Variants in SF3A1 observed in about 807,000 individuals in gnomAD.
SF3A1 encodes the protein SAP 114.
In SF3A1, 13 loss-of-function variants were observed where a neutral mutation model predicts 89.9. The ratio of observed to expected loss-of-function variants is 0.14; its 90% confidence interval spans 0.09 to 0.23. SF3A1 has a LOEUF of 0.23. Ranked by LOEUF, SF3A1 falls within the 10% of genes least tolerant of loss-of-function variation. The probability of loss-of-function intolerance (pLI) is 1.00; values close to 1 mark genes in which losing one functional copy is unlikely to be tolerated. For missense variants in SF3A1, 604 were observed against 1,022.1 expected, an observed-to-expected ratio of 0.59 and a Z score of 5.58; for synonymous variants, 405 against 374.4, an observed-to-expected ratio of 1.08 and a Z score of -0.94.
chr22:30,344,745 T>C (rs56059256), intron 4 of SF3A1, among the ~76,000 whole-genome samples, 188 bp downstream of exon 4: 10,649 of 152,324 alleles, frequency 0.07, 458 homozygotes, highest in Non-Finnish European at 0.092. Flanking sequence ...ACCGGCAGTC[T>C]GTGTTGCACT....
chr22:30,337,811 T>C lies in SF3A1; in HGVS notation c.1830A>G (p.Pro610=). ...PPMASVVRLP[P]GSVIAPMPPI... is the part of the protein sequence containing the mutation. ...GCGGCATGGGGGCGATCACTGAGCC[T>C]GGGGGCAGCCGGACCACAGATGCCA... The change falls in exon 12 of 16, where the codon CCA becomes CCG. Residue 610 remains proline, a synonymous_variant. Coordinates refer to ENST00000215793, the MANE Select transcript of SF3A1 (RefSeq NM_005877.6). 1.2e-6 allele frequency: 2 copies of C among 1,604,192 alleles called. No homozygotes were observed. The highest frequency in any genetic ancestry group is 1.7e-6 in the Non-Finnish European group (2 of 1,175,894).
chr22:30,341,559 TGTATGGC>T, intron 7 of SF3A1, 126 bp downstream of exon 7: 1 of 454,810 alleles, frequency 2.2e-6, no homozygotes, highest in Non-Finnish European at 4.1e-6. Context: ...CTTGGGCAGC[TGTATGGC>T]CTTGTTCAGG....
intron 11 of SF3A1, among the ~76,000 whole-genome samples, chr22:30,338,201 G>A (rs1164253156): frequency 6.6e-6 from 1 of 152,188 alleles, no homozygotes; most frequent in Non-Finnish European, 1.5e-5. Flanking sequence ...GCTCATGCCT[G>A]TAATCTCAGC....
intron 4 of SF3A1, among the ~76,000 whole-genome samples, chr22:30,343,513 A>G (rs7289270): frequency 6.6e-6 from 1 of 152,234 alleles, no homozygotes; most frequent in Non-Finnish European, 1.5e-5. Context: ...TTCTACTGCC[A>G]CTGGCAAAGT....
At position 30,355,543 on chromosome 22, in the gene SF3A1, T is replaced by C. The variant is rs1931766484; in HGVS notation, c.63+1187A>G. Among the ~76,000 whole-genome samples the C allele has an allele frequency of 2.0e-5, 3 of 152,282 alleles. No homozygotes were observed. The South Asian group carries it at 6.2e-4, about 32-fold the overall frequency. ...TGAATTTCTGAAACACAAATGTCAC[T>C]ATTTGGCTTAAAACACTCCCTTTTC... On this transcript the variant is annotated intron_variant, in intron 1 of 15. Coordinates refer to ENST00000215793, the MANE Select transcript of SF3A1 (RefSeq NM_005877.6).
chr22:30,348,446 C>T (rs1171327897), intron 2 of SF3A1, among the ~76,000 whole-genome samples: 1 of 152,154 alleles, frequency 6.6e-6, no homozygotes, highest in Non-Finnish European at 1.5e-5. Flanking sequence ...AGATCATACC[C>T]AAGCCTGGGC....
intron 3 of SF3A1, 153 bp downstream of exon 3, chr22:30,346,159 G>C: frequency 1.6e-6 from 1 of 639,550 alleles, no homozygotes; most frequent in Non-Finnish European, 2.8e-6. Context: ...GTACTTTGCT[G>C]TCTGGGCCTC....
chr22:30,350,044 C>A (rs1931539364), intron 2 of SF3A1, among the ~76,000 whole-genome samples: 1 of 152,082 alleles, frequency 6.6e-6, no homozygotes, highest in South Asian at 2.1e-4. Context: ...TTTAAGAAAT[C>A]TTTTAAGGAT....
At position 30,340,024 on chromosome 22, in the gene SF3A1, GAATTT is replaced by G. The variant is rs540324729; in HGVS notation, c.1375+167_1375+171del. ...ATCTCCTTCAGTGTCTGCCTTTGGG[GAATTT>G]CTATGGGGAGTTCTTCTGGAAAGTG... On this transcript the variant is annotated intron_variant, in intron 9 of 15. Transcript: ENST00000215793. Among the ~76,000 whole-genome samples, 7 of 152,346 alleles carry G rather than the reference GAATTT, an allele frequency of 4.6e-5. No homozygotes were observed. The South Asian group carries it at 1.5e-3, about 32-fold the overall frequency.
rs369988752 is a variant in SF3A1, at chr22:30,338,963, C to T, written c.1569G>A (p.Gln523=). Residue 523 remains glutamine (Q), a synonymous_variant, in exon 11 of 16, where the codon CAG becomes CAA. Coordinates refer to ENST00000215793, the MANE Select transcript of SF3A1 (RefSeq NM_005877.6). The stretch of plus-strand genomic sequence containing the variant: ...CCTTGTGAATGGCCTCAATCTGCTC[C>T]TGGAGGGTGATGTTGGCCTGGGCAG... ...QQAAQANITL[Q]EQIEAIHKAK... 5 of 1,614,094 alleles carry T rather than the reference C, an allele frequency of 3.1e-6. No individual in the cohort carries two copies. Among genetic ancestry groups the T allele is most frequent in the Non-Finnish European group, 4.2e-6 (5 of 1,180,050 alleles).
chr22:30,340,132 T>G (rs1255652476), intron 9 of SF3A1, 64 bp downstream of exon 9: 1 of 1,357,130 alleles, frequency 7.4e-7, no homozygotes, highest in Non-Finnish European at 9.7e-7. Flanking sequence ...TTTCTATGTT[T>G]GCTTAGAAGA....
At position 30,345,261 on chromosome 22, in the gene SF3A1, G is replaced by T. The variant is rs959874679; in HGVS notation, c.394-71C>A. On this transcript the variant is annotated intron_variant, in intron 3 of 15. Transcript: ENST00000215793. The stretch of plus-strand genomic sequence containing the variant: ...GGCTCCAGGGGAGGGGAGGGGAGGG[G>T]ACATGGGCATGCACCCCTCAGCAGG... 3 of 1,412,194 alleles carry T rather than the reference G, an allele frequency of 2.1e-6. No homozygotes were observed. The East Asian group carries it at 6.9e-5, about 32-fold the overall frequency. The allele number at this position is 1,412,194 out of a possible 1,614,324, so 87.5% of individuals were successfully genotyped here. A position where few individuals can be genotyped will look rare whatever the true frequency, so the allele number is the denominator to read the frequency against.
At chr22:30,341,335 C>T (rs1468918449) in intron 7 of SF3A1, among the ~76,000 whole-genome samples, 1 of 152,158 alleles carries the variant, frequency 6.6e-6, no homozygotes, top group Non-Finnish European at 1.5e-5. Flanking sequence ...GCGTGGGCTA[C>T]ATTTAGAAAA....
At chr22:30,356,671 G>A (rs1745700506) in intron 1 of SF3A1, 59 bp downstream of exon 1, 4 of 1,304,250 alleles carry the variant, frequency 3.1e-6, no homozygotes, top group Admixed American at 5.8e-5. Context: ...ATTCCTGTGC[G>A]AGTAAGGAGC....
intron 13 of SF3A1, among the ~76,000 whole-genome samples, chr22:30,336,563 T>C (rs951992316): frequency 2.0e-5 from 3 of 152,120 alleles, no homozygotes; most frequent in East Asian, 1.9e-4. Context: ...CCCTAGTGAT[T>C]AGCAGTGACA....
At position 30,342,946 on chromosome 22, in the gene SF3A1, T is replaced by C. The variant is rs1931307148; in HGVS notation, c.652-67A>G. ...ACGCAGTACAAAGAGGCAGCCTTCC[T>C]GGGCCTGTGATAAAGCACAGGAGAT... On this transcript the variant is annotated intron_variant, in intron 4 of 15. Coordinates refer to ENST00000215793, the MANE Select transcript of SF3A1 (RefSeq NM_005877.6). 25 of 1,015,318 alleles carry C rather than the reference T, an allele frequency of 2.5e-5. No individual in the cohort carries two copies. The South Asian group carries it at 2.8e-4, about 12-fold the overall frequency. 62.9% of individuals were successfully genotyped at this position (1,015,318 alleles called of 1,614,324 possible). A position where few individuals can be genotyped will look rare whatever the true frequency, so the allele number is the denominator to read the frequency against.
intron 12 of SF3A1, 35 bp from the exon 13 acceptor site, chr22:30,337,215 G>A: frequency 6.4e-7 from 1 of 1,571,872 alleles, no homozygotes; most frequent in Non-Finnish European, 8.6e-7. Context: ...CCATGAGAGG[G>A]CAGAAGGGGC....
intron 3 of SF3A1, 114 bp downstream of exon 3, chr22:30,346,198 A>T: frequency 1.3e-6 from 1 of 754,008 alleles, no homozygotes; most frequent in Non-Finnish European, 2.3e-6. Context: ...GGGGATAACG[A>T]CCTCACTTCT....
At position 30,337,105 on chromosome 22, in the gene SF3A1, A is replaced by C. The variant is rs760950388; in HGVS notation, c.2027T>G (p.Met676Arg). The C allele has an allele frequency of 6.2e-7, 1 of 1,613,992 alleles. No individual in the cohort carries two copies. Among genetic ancestry groups the C allele is most frequent in the South Asian group, 1.1e-5 (1 of 91,074 alleles). The change falls in exon 13 of 16, where the codon ATG becomes AGG. Residue 676 changes from methionine (M) to arginine (R), a missense_variant. Met to Arg is a moderately conservative substitution (Grantham distance 91). Around this residue, in one of 9 missense-constraint regions of SF3A1, gnomAD observed 45 missense variants for 41.1 expected, o/e 1.09. Coordinates refer to ENST00000215793, the MANE Select transcript of SF3A1 (RefSeq NM_005877.6). ...TTTTTTGGAGGTGGGCTCATCTTCC[A>C]TGGGAGGTGGGGGATGCACAGGGGG... ...PMPPVHPPPP[M>R]EDEPTSKKLK...
Sources: gnomAD v4.1 joint callset for allele counts (sites outside exome capture counted in the v4.1 genomes callset) on GRCh38, gnomAD v4.1.1 for gene constraint, gnomAD v4.1.1 regional missense constraint, MANE v1.5 for transcripts, NCBI Gene and HGNC (gene_info 2026-07-23, HGNC 2026-07-21) for gene names.